MYBL1: variants seen among roughly 807,000 people sequenced by gnomAD.
MYBL1 encodes MYB proto-oncogene like 1, also known as myb-related protein A.
MYBL1 carries 17 observed loss-of-function variants against 96.3 expected under a neutral mutation model. That is an observed-to-expected ratio of 0.18 (90% CI 0.12 to 0.26). The LOEUF is 0.26. Ranked by LOEUF, MYBL1 falls within the 10% of genes least tolerant of loss-of-function variation. The pLI is 1.00. For missense variants in MYBL1, 701 were observed against 882.9 expected, an observed-to-expected ratio of 0.79 and a Z score of 2.61; for synonymous variants, 282 against 292.7, an observed-to-expected ratio of 0.96 and a Z score of 0.37.
intron 11 of MYBL1, 56 bp from the exon 12 acceptor site, chr8:66,572,652 A>G (rs183204025): frequency 8.8e-5 from 75 of 849,054 alleles, no homozygotes; most frequent in Admixed American, 3.0e-4. Context: ...CATACAAGTT[A>G]ATGAAAGCAA....
At chr8:66,604,834 C>G (rs781309114) in intron 1 of MYBL1, among the ~76,000 whole-genome samples, 4 of 152,092 alleles carry the variant, frequency 2.6e-5, no homozygotes, top group Non-Finnish European at 5.9e-5. Flanking sequence ...AAGTTTCTGG[C>G]TTTGAAAACA....
chr8:66,593,725 A>G (rs1809742477), intron 6 of MYBL1, among the ~76,000 whole-genome samples: 1 of 152,240 alleles, frequency 6.6e-6, no homozygotes, highest in South Asian at 2.1e-4. Context: ...TATACTGATG[A>G]TAGGCTAAGT....
chr8:66,587,918 A>C (rs1398662045), intron 8 of MYBL1, among the ~76,000 whole-genome samples: 2 of 152,244 alleles, frequency 1.3e-5, no homozygotes, highest in Non-Finnish European at 2.9e-5. Flanking sequence ...ACTAAAAGTA[A>C]AAATTTTCAG....
At chr8:66,577,311 T>C (rs1369313715) in intron 9 of MYBL1, among the ~76,000 whole-genome samples, 2 of 149,530 alleles carry the variant, frequency 1.3e-5, no homozygotes, top group African/African-American at 2.5e-5. Flanking sequence ...GATGACATGA[T>C]TGTATATCTA....
chr8:66,564,829 G>A lies in MYBL1; in HGVS notation c.2131-4C>T, dbSNP rs200995663. ...CTGTTTCCCATTCACAATTTGACTA[G>A]AAAGGAAATATTAATAGTGACATGA... On this transcript the variant is annotated splice_polypyrimidine_tract_variant and splice_region_variant and intron_variant, in intron 15 of 15. Transcript: ENST00000522677. 2.6e-6 allele frequency: 4 copies of A among 1,550,088 alleles called. No homozygotes were observed. Among genetic ancestry groups the A allele is most frequent in the African/African-American group, 2.7e-5 (2 of 73,546 alleles).
At chr8:66,572,277 G>A (rs942187588) in intron 12 of MYBL1, among the ~76,000 whole-genome samples, 9 of 149,602 alleles carry the variant, frequency 6.0e-5, no homozygotes, top group South Asian at 2.1e-4. Flanking sequence ...CTGAGATCGC[G>A]CCACTTCACT....
chr8:66,601,798 C>A (rs956274925), intron 2 of MYBL1, 29 bp from the exon 3 acceptor site: 2 of 1,251,530 alleles, frequency 1.6e-6, no homozygotes, highest in African/African-American at 1.5e-5. Context: ...AATTAGAAAG[C>A]TTTCCCCCCG....
intron 9 of MYBL1, among the ~76,000 whole-genome samples, chr8:66,578,243 A>G (rs1179290366): frequency 2.0e-5 from 3 of 151,238 alleles, no homozygotes; most frequent in South Asian, 2.1e-4. Flanking sequence ...ATCTAATTAA[A>G]CTAAAGAGCT....
intron 3 of MYBL1, among the ~76,000 whole-genome samples, chr8:66,601,009 A>T (rs1586595033): frequency 6.8e-6 from 1 of 146,598 alleles, no homozygotes; most frequent in Admixed American, 6.8e-5. Flanking sequence ...CGTCTCTACT[A>T]AAAAAAAAAT....
chr8:66,575,293 A>T (rs935378359), intron 10 of MYBL1, among the ~76,000 whole-genome samples: 1 of 152,140 alleles, frequency 6.6e-6, no homozygotes, highest in African/African-American at 2.4e-5. Context: ...TAAACAAATT[A>T]CTCTAAATAG....
At chr8:66,571,292 T>C (rs1434136476) in intron 12 of MYBL1, among the ~76,000 whole-genome samples, 1 of 152,142 alleles carries the variant, frequency 6.6e-6, no homozygotes, top group Non-Finnish European at 1.5e-5. Flanking sequence ...CTACCACAAA[T>C]ACTATTATTA....
At chr8:66,581,872 G>A (rs759531709) in intron 8 of MYBL1, among the ~76,000 whole-genome samples, 8 of 152,118 alleles carry the variant, frequency 5.3e-5, no homozygotes, top group Non-Finnish European at 1.2e-4. Context: ...AAATGAGGGA[G>A]AAATAAAGTC....
intron 8 of MYBL1, among the ~76,000 whole-genome samples, chr8:66,582,662 G>C (rs1260333087): frequency 6.9e-6 from 1 of 144,864 alleles, no homozygotes; most frequent in Non-Finnish European, 1.5e-5. Context: ...AGGTTACAGA[G>C]AGCCAAGATC....
At chr8:66,592,358 G>T in intron 8 of MYBL1, 82 bp downstream of exon 8, 1 of 912,976 alleles carries the variant, frequency 1.1e-6, no homozygotes, top group Non-Finnish European at 1.7e-6. Flanking sequence ...CAGTCATACT[G>T]AGTATGCTTT....
chr8:66,585,717 G>C (rs1356974600), intron 8 of MYBL1, among the ~76,000 whole-genome samples: 1 of 152,148 alleles, frequency 6.6e-6, no homozygotes, highest in Non-Finnish European at 1.5e-5. Flanking sequence ...ACTCCAGCCT[G>C]GGTGACAAGA....
chr8:66,580,174 T>C lies in MYBL1; in HGVS notation c.1060A>G (p.Thr354Ala). The change falls in exon 9 of 16, where the codon ACC becomes GCC. Residue 354 changes from threonine (T) to alanine (A), a missense_variant. Thr to Ala is a moderately conservative substitution (Grantham distance 58). This residue lies in a region of MYBL1 where 396 missense variants were observed against 407.4 expected (regional missense o/e 0.97). Transcript: ENST00000522677. ...EANAVLSSLQ[T>A]IPEFAETLEL... ...AGAGTCTCTGCAAATTCTGGGATGG[T>C]CTGCAAAGAGGATAACACAGCGTTT... The C allele has an allele frequency of 6.2e-7, 1 of 1,613,928 alleles. No individual in the cohort carries two copies. The highest frequency in any genetic ancestry group is 8.5e-7 in the Non-Finnish European group (1 of 1,179,850).
Position 66,566,170 on chromosome 8 carries a change from A to T in MYBL1, c.2024T>A (p.Ile675Asn), listed in dbSNP as rs915421480. Residue 675 changes from isoleucine (I) to asparagine (N), a missense_variant, in exon 15 of 16, where the codon ATT becomes AAT. By Grantham distance (149) the Ile-to-Asn change is moderately radical. This residue lies in a region of MYBL1 where 137 missense variants were observed against 137.5 expected (regional missense o/e 1.00). Transcript: ENST00000522677. ...LEIHDNRCNL[I>N]PEKQDINSTN... Reference sequence around the variant, plus strand: ...TGAATTTATATCTTGTTTTTCAGGAATCAAGTTGCACCTATTGTCATGTAT... The same window carrying T: ...TGAATTTATATCTTGTTTTTCAGGATTCAAGTTGCACCTATTGTCATGTAT... The T allele has an allele frequency of 2.6e-6, 4 of 1,532,924 alleles. No individual in the cohort carries two copies. In the African/African-American group the frequency reaches 5.5e-5, roughly 21 times the overall value. The allele number at this position is 1,532,924 out of a possible 1,614,324, so 95.0% of individuals were successfully genotyped here.
intron 12 of MYBL1, among the ~76,000 whole-genome samples, chr8:66,572,022 A>C (rs1808749404): frequency 6.6e-6 from 1 of 151,748 alleles, no homozygotes; most frequent in South Asian, 2.1e-4. Context: ...CAAACTTGAA[A>C]ATTAGGCCAG....
At chr8:66,574,426 G>A (rs1361374692) in intron 10 of MYBL1, among the ~76,000 whole-genome samples, 1 of 152,188 alleles carries the variant, frequency 6.6e-6, no homozygotes, top group Non-Finnish European at 1.5e-5. Context: ...AACTCTGAGA[G>A]CAGGGCTGGG....
Sources: gnomAD v4.1 joint callset for allele counts (sites outside exome capture counted in the v4.1 genomes callset) on GRCh38, gnomAD v4.1.1 for gene constraint, gnomAD v4.1.1 regional missense constraint, MANE v1.5 for transcripts, NCBI Gene and HGNC (gene_info 2026-07-23, HGNC 2026-07-21) for gene names.